Variants in VPS50 observed in about 807,000 individuals in gnomAD.
VPS50 encodes the protein VPS50 subunit of EARP/GARPII complex, also known as syndetin.
In VPS50, 70 loss-of-function variants were observed where a neutral mutation model predicts 139.7. The observed-to-expected ratio is 0.50, with a 90% CI of 0.41 to 0.61. VPS50 has a LOEUF of 0.61. Ranked by LOEUF, VPS50 falls within the 20% of genes least tolerant of loss-of-function variation. The pLI, the probability that VPS50 is intolerant of heterozygous loss-of-function variation, is 0.00. For missense variants in VPS50, 921 were observed against 1,133.7 expected, an observed-to-expected ratio of 0.81 and a Z score of 2.69; for synonymous variants, 365 against 376.7, an observed-to-expected ratio of 0.97 and a Z score of 0.36.
intron 23 of VPS50, among the ~76,000 whole-genome samples, chr7:93,344,148 A>C (rs1183117397): frequency 6.6e-6 from 1 of 152,220 alleles, no homozygotes; most frequent in Non-Finnish European, 1.5e-5. Flanking sequence ...TACCAAGCAA[A>C]TCGAAAACAA....
At chr7:93,311,966 G>C (rs986466725) in intron 20 of VPS50, among the ~76,000 whole-genome samples, 1 of 152,030 alleles carries the variant, frequency 6.6e-6, no homozygotes, top group Admixed American at 6.6e-5. Flanking sequence ...AGGAATTTTA[G>C]TGGTTTTCCA....
chr7:93,284,655 A>G (rs1271088877), intron 12 of VPS50, among the ~76,000 whole-genome samples: 1 of 152,182 alleles, frequency 6.6e-6, no homozygotes, highest in Non-Finnish European at 1.5e-5. Flanking sequence ...GTTGCAAGGA[A>G]AGTTTTGCTA....
chr7:93,286,892 T>C (rs1796502657), intron 12 of VPS50, among the ~76,000 whole-genome samples: 1 of 151,986 alleles, frequency 6.6e-6, no homozygotes, highest in African/African-American at 2.4e-5. Context: ...CATGGCATAA[T>C]GGAAAGGGGC....
chr7:93,293,881 T>C (rs1041474979), intron 13 of VPS50, among the ~76,000 whole-genome samples: 16 of 152,182 alleles, frequency 1.1e-4, no homozygotes, highest in African/African-American at 3.4e-4. Flanking sequence ...CTTTTACTGG[T>C]TATCAGTGGA....
intron 22 of VPS50, among the ~76,000 whole-genome samples, chr7:93,338,606 A>T (rs1397465573): frequency 4.6e-5 from 7 of 152,170 alleles, no homozygotes; most frequent in Admixed American, 4.6e-4. Flanking sequence ...CTCCCTACCC[A>T]TGTAGAGTTT....
chr7:93,350,929 C>G (rs1267138025), intron 25 of VPS50, among the ~76,000 whole-genome samples: 1 of 152,160 alleles, frequency 6.6e-6, no homozygotes, highest in African/African-American at 2.4e-5. Context: ...AACCTCCTTA[C>G]TTTAATCTCA....
chr7:93,242,966 C>T (rs1441106427), intron 2 of VPS50, among the ~76,000 whole-genome samples: 1 of 151,868 alleles, frequency 6.6e-6, no homozygotes, highest in East Asian at 1.9e-4. Context: ...CTGAAGGGCA[C>T]TAGGTGTGCT....
intron 24 of VPS50, 98 bp downstream of exon 24, chr7:93,348,905 C>A: frequency 2.7e-6 from 2 of 751,702 alleles, no homozygotes; most frequent in South Asian, 1.6e-5. Context: ...GGAAGTCAGT[C>A]TTGAAACCCC....
At chr7:93,264,258 TGA>T (rs1795773646) in intron 9 of VPS50, among the ~76,000 whole-genome samples, 2 of 152,226 alleles carry the variant, frequency 1.3e-5, no homozygotes, top group Non-Finnish European at 2.9e-5. Flanking sequence ...CTTTTATAAC[TGA>T]GAGAACATTT....
chr7:93,346,906 T>C (rs895081830), intron 23 of VPS50, among the ~76,000 whole-genome samples: 1 of 140,180 alleles, frequency 7.1e-6, no homozygotes, highest in African/African-American at 2.7e-5. Flanking sequence ...ATTCAGGACA[T>C]AGGCATGGGC....
intron 12 of VPS50, among the ~76,000 whole-genome samples, chr7:93,286,863 A>G (rs1490911813): frequency 2.0e-5 from 3 of 152,096 alleles, no homozygotes; most frequent in African/African-American, 7.2e-5. Flanking sequence ...TCACTGTGAC[A>G]ATTGACACCA....
chr7:93,351,065 C>CT (rs772859794), intron 25 of VPS50, among the ~76,000 whole-genome samples: 8 of 152,166 alleles, frequency 5.3e-5, no homozygotes, highest in Admixed American at 3.9e-4. Flanking sequence ...AGTCACCCAA[C>CT]TCCCAGCAAT....
rs1351493415 is a variant in VPS50, at chr7:93,281,769, A to G, written c.942+5464A>G. 7.2e-5 allele frequency among the ~76,000 whole-genome samples: 11 copies of G among 152,218 alleles called. 1 individual carries two copies. Among genetic ancestry groups the G allele is most frequent in the Admixed American group, 7.2e-4 (11 of 15,286 alleles). On this transcript the variant is annotated intron_variant, in intron 12 of 27. Coordinates refer to ENST00000305866, the MANE Select transcript of VPS50 (RefSeq NM_017667.4). Reference sequence around the variant, plus strand: ...ACAACTAAAACATTAATTGTAGGAAAAGACACAAGCAAAAAGAAGAAAGTA... The same window carrying G: ...ACAACTAAAACATTAATTGTAGGAAGAGACACAAGCAAAAAGAAGAAAGTA...
At chr7:93,291,965 T>C in intron 13 of VPS50, 130 bp downstream of exon 13, 1 of 576,694 alleles carries the variant, frequency 1.7e-6, no homozygotes, top group Non-Finnish European at 2.9e-6. Context: ...AGGCTAAATA[T>C]TGAGCAAAGA....
At chr7:93,267,362 G>A (rs1303366510) in intron 9 of VPS50, among the ~76,000 whole-genome samples, 1 of 152,144 alleles carries the variant, frequency 6.6e-6, no homozygotes, top group African/African-American at 2.4e-5. Flanking sequence ...AGAGTTCAGT[G>A]TGGTTCTTCT....
At chr7:93,347,527 G>A (rs897031559) in intron 23 of VPS50, among the ~76,000 whole-genome samples, 1 of 89,064 alleles carries the variant, frequency 1.1e-5, no homozygotes, top group African/African-American at 7.2e-5. Flanking sequence ...ACATGCACAC[G>A]TATGTTTATT....
At chr7:93,250,139 G>C (rs1267873722) in intron 2 of VPS50, among the ~76,000 whole-genome samples, 4 of 151,768 alleles carry the variant, frequency 2.6e-5, no homozygotes, top group African/African-American at 9.7e-5. Flanking sequence ...AAGCATATTT[G>C]ATTATTCAGG....
chr7:93,266,052 G>C (rs1006108205), intron 9 of VPS50, among the ~76,000 whole-genome samples: 2 of 152,150 alleles, frequency 1.3e-5, no homozygotes, highest in African/African-American at 4.8e-5. Context: ...CAGTTTCTCT[G>C]AGGTCTGCTG....
At position 93,240,757 on chromosome 7, in the gene VPS50, T is replaced by G. The variant is rs9886158; in HGVS notation, c.102+823T>G. Among the ~76,000 whole-genome samples the G allele has an allele frequency of 5.4e-3, 829 of 152,296 alleles. 8 individuals carry two copies. Among genetic ancestry groups the G allele is most frequent in the African/African-American group, 0.019 (801 of 41,568 alleles). On this transcript the variant is annotated intron_variant, in intron 2 of 27. Transcript: ENST00000305866. ...GGTGTGCTTCTCTTGATCAGCAGTTTAAGGCCTCTCCTTACACCTCGGTGT... is the reference window on the plus strand; with the variant it reads ...GGTGTGCTTCTCTTGATCAGCAGTTGAAGGCCTCTCCTTACACCTCGGTGT...
Sources: allele counts gnomAD v4.1 joint callset (sites outside exome capture counted in the v4.1 genomes callset), GRCh38; gene constraint gnomAD v4.1.1; transcripts MANE v1.5; gene names NCBI Gene and HGNC (gene_info 2026-07-23, HGNC 2026-07-21).